ARAP2: variants seen among roughly 807,000 people sequenced by gnomAD.
ARAP2 encodes the protein ArfGAP with RhoGAP domain, ankyrin repeat and PH domain 2, also known as arf-GAP with Rho-GAP domain, ANK repeat and PH domain-containing protein 2.
In ARAP2, 148 loss-of-function variants were observed where a neutral mutation model predicts 194.5. The observed-to-expected ratio is 0.76, with a 90% confidence interval of 0.67 to 0.87. ARAP2 has a LOEUF of 0.87. Among genes scored for constraint, ARAP2 ranks in the 40% least tolerant of loss-of-function variants. The pLI, the probability that ARAP2 is intolerant of heterozygous loss-of-function variation, is 0.00. For synonymous variants in ARAP2, 695 were observed against 683.5 expected (o/e 1.02, Z -0.26); for missense variants, 2,128 against 1,989.7 (o/e 1.07, Z -1.32).
chr4:36,187,653 T>C (rs1740873977), intron 7 of ARAP2, 82 bp from the exon 8 acceptor site: 1 of 1,216,154 alleles, frequency 8.2e-7, no homozygotes, highest in Admixed American at 2.9e-5. Flanking sequence ...ACAGTATTTA[T>C]AACTGCTTCT....
At chr4:36,195,781 C>A (rs1017876283) in intron 6 of ARAP2, among the ~76,000 whole-genome samples, 1 of 152,186 alleles carries the variant, frequency 6.6e-6, no homozygotes, top group Non-Finnish European at 1.5e-5. Context: ...TCTCTCAATA[C>A]CCTCTACTTT....
chr4:36,234,428 T>C (rs752530553), intron 1 of ARAP2, among the ~76,000 whole-genome samples: 1 of 152,176 alleles, frequency 6.6e-6, no homozygotes, highest in Non-Finnish European at 1.5e-5. Flanking sequence ...CACCTCTTAA[T>C]ACAATTCCCT....
intron 8 of ARAP2, among the ~76,000 whole-genome samples, chr4:36,013,282 C>T (rs1015722683): frequency 6.6e-6 from 1 of 152,042 alleles, no homozygotes; most frequent in Non-Finnish European, 1.5e-5. Context: ...ACATGACTGC[C>T]GTTTAACTAA....
At chr4:36,153,776 G>A (rs1172817183) in intron 15 of ARAP2, among the ~76,000 whole-genome samples, 1 of 152,112 alleles carries the variant, frequency 6.6e-6, no homozygotes, top group East Asian at 1.9e-4. Flanking sequence ...GGAAGCCAGG[G>A]GAAACTGTTT....
chr4:36,119,341 G>A lies in ARAP2; in HGVS notation c.3963+309C>T, dbSNP rs566904468. 1.1e-4 allele frequency among the ~76,000 whole-genome samples: 16 copies of A among 151,408 alleles called. No homozygotes were observed. In the South Asian group the frequency reaches 3.1e-3, roughly 29 times the overall value. On this transcript the variant is annotated intron_variant, in intron 24 of 32. Transcript: ENST00000303965. ...TTCAACTTACTCTAAGTATTTCTTTGGTTTTAAATGCTTCCTTTGAAATCC... is the reference window on the plus strand; with the variant it reads ...TTCAACTTACTCTAAGTATTTCTTTAGTTTTAAATGCTTCCTTTGAAATCC...
chr4:36,154,146 C>A (rs538590968), intron 15 of ARAP2, among the ~76,000 whole-genome samples: 1 of 151,998 alleles, frequency 6.6e-6, no homozygotes, highest in Non-Finnish European at 1.5e-5. Context: ...AAATGTATTA[C>A]GGTAAAGAAT....
chr4:36,067,953 G>T lies in ARAP2; in HGVS notation c.5069C>A (p.Ser1690Ter). 6.2e-7 allele frequency: 1 copy of T among 1,611,922 alleles called. No individual in the cohort carries two copies. Among genetic ancestry groups the T allele is most frequent in the South Asian group, 1.1e-5 (1 of 90,592 alleles). The change falls in exon 33 of 33, where the codon TCA becomes TAA. Residue 1690 changes from serine to a stop codon, truncating the protein, a stop_gained. Coordinates refer to ENST00000303965, the MANE Select transcript of ARAP2 (RefSeq NM_015230.4). LOFTEE classifies it high-confidence loss of function. ...IEELNVVLQR[S>*]RTLPKELQDE... Reference sequence around the variant, plus strand: ...CTGTAATTCTTTTGGAAGGGTTCTTGACCGTTGTAGAACCACATTAAGTTC... The same window carrying T: ...CTGTAATTCTTTTGGAAGGGTTCTTTACCGTTGTAGAACCACATTAAGTTC...
chr4:36,214,380 A>G (rs368004005), intron 3 of ARAP2, 42 bp downstream of exon 3: 313 of 1,528,470 alleles, frequency 2.0e-4, no homozygotes, highest in Non-Finnish European at 2.6e-4. Context: ...AAGACTATCA[A>G]ATGAGCTCTA....
At chr4:36,027,615 CATG>C (rs556996538) in intron 5 of ARAP2, among the ~76,000 whole-genome samples, 319 of 152,032 alleles carry the variant, frequency 2.1e-3, no homozygotes, top group Admixed American at 4.9e-3. Flanking sequence ...GTCTTAACAG[CATG>C]ATAATTATTA....
intron 6 of ARAP2, among the ~76,000 whole-genome samples, chr4:36,016,144 A>C (rs938728113): frequency 6.6e-6 from 1 of 152,236 alleles, no homozygotes; most frequent in Non-Finnish European, 1.5e-5. Flanking sequence ...GCATATGTCC[A>C]TAAGTATTAA....
chr4:36,104,358 G>C (rs189796099), intron 27 of ARAP2, among the ~76,000 whole-genome samples: 1 of 152,064 alleles, frequency 6.6e-6, no homozygotes, highest in Non-Finnish European at 1.5e-5. Flanking sequence ...CACAATGACA[G>C]AGAAATCATA....
At chr4:36,041,876 C>T (rs114764900) in intron 5 of ARAP2, among the ~76,000 whole-genome samples, 1,632 of 152,204 alleles carry the variant, frequency 0.011, 13 homozygotes, top group South Asian at 0.02. Flanking sequence ...TTTGTGGGAA[C>T]ATGGATGAAG....
intron 4 of ARAP2, 99 bp downstream of exon 4, chr4:36,213,144 T>C (rs956254553): frequency 6.4e-6 from 6 of 933,168 alleles, no homozygotes; most frequent in African/African-American, 3.4e-5. Flanking sequence ...TTCAATATAA[T>C]GCCATTCTTC....
At chr4:36,239,132 A>C (rs1171664516) in intron 1 of ARAP2, among the ~76,000 whole-genome samples, 1 of 151,812 alleles carries the variant, frequency 6.6e-6, no homozygotes, top group Non-Finnish European at 1.5e-5. Flanking sequence ...AAAAATTAGC[A>C]GGGCATGGTG....
chr4:36,018,125 T>C (rs1324308176), intron 6 of ARAP2, among the ~76,000 whole-genome samples: 1 of 152,126 alleles, frequency 6.6e-6, no homozygotes, highest in Non-Finnish European at 1.5e-5. Flanking sequence ...TTTAAAATGT[T>C]TTAAGTCTAA....
At chr4:36,143,599 T>C (rs1383662895) in intron 19 of ARAP2, among the ~76,000 whole-genome samples, 1 of 151,772 alleles carries the variant, frequency 6.6e-6, no homozygotes, top group African/African-American at 2.4e-5. Flanking sequence ...GCCCCCATTG[T>C]CATCATTGTT....
intron 19 of ARAP2, among the ~76,000 whole-genome samples, chr4:36,138,071 G>A (rs1459638740): frequency 3.3e-5 from 5 of 151,654 alleles, no homozygotes; most frequent in Non-Finnish European, 7.4e-5. Context: ...TAGGACTTTG[G>A]AAGATAGCTT....
intron 2 of ARAP2, among the ~76,000 whole-genome samples, chr4:36,224,048 G>T (rs1206404003): frequency 6.8e-6 from 1 of 147,668 alleles, no homozygotes; most frequent in African/African-American, 2.5e-5. Context: ...ATACCTAGAG[G>T]TTTTTTTTTT....
At chr4:36,211,677 A>C (rs1253454976) in intron 5 of ARAP2, among the ~76,000 whole-genome samples, 3 of 152,142 alleles carry the variant, frequency 2.0e-5, no homozygotes. Flanking sequence ...GACAAAAATA[A>C]AATGAATGTC....
Sources: gnomAD v4.1 joint callset for allele counts (sites outside exome capture counted in the v4.1 genomes callset) on GRCh38, gnomAD v4.1.1 for gene constraint, MANE v1.5 for transcripts, NCBI Gene and HGNC (gene_info 2026-07-23, HGNC 2026-07-21) for gene names.